The following TTC28 variants were observed in gnomAD, a reference collection of about 807,000 sequenced individuals.
TTC28 encodes tetratricopeptide repeat protein 28.
Under a neutral mutation model 198.0 loss-of-function variants are expected in TTC28, and 61 were observed. The ratio of observed to expected loss-of-function variants is 0.31; its 90% CI spans 0.25 to 0.38. The LOEUF (loss-of-function observed/expected upper bound fraction) is 0.38, where lower values mean the gene tolerates loss of function less well. Among genes scored for constraint, TTC28 ranks in the 10% least tolerant of loss-of-function variants. The pLI is 1.00. For synonymous variants in TTC28, 1,171 were observed against 1,297.8 expected, an observed-to-expected ratio of 0.90 and a Z score of 2.10; for missense variants, 2,678 against 3,164.0, an observed-to-expected ratio of 0.85 and a Z score of 3.69.
intron 12 of TTC28, among the ~76,000 whole-genome samples, chr22:28,046,609 C>T (rs1939870617): frequency 6.6e-6 from 1 of 152,196 alleles, no homozygotes; most frequent in African/African-American, 2.4e-5. Flanking sequence ...CCCCTCTCTC[C>T]TCCCACAAAG....
intron 2 of TTC28, among the ~76,000 whole-genome samples, chr22:28,362,519 C>G (rs948055866): frequency 6.6e-6 from 1 of 152,026 alleles, no homozygotes; most frequent in Admixed American, 6.6e-5. Context: ...AAAAGATAAC[C>G]AAAAATGTGG....
chr22:28,296,315 T>G lies in TTC28; in HGVS notation c.816A>C (p.Gly272=). 1 of 1,533,820 alleles carries G rather than the reference T, an allele frequency of 6.5e-7. No individual in the cohort carries two copies. The highest frequency in any genetic ancestry group is 8.8e-7 in the Non-Finnish European group (1 of 1,140,968). ...CCAGATTCCCATGAGCTCGGCATTC[T>G]CCTGTCTGGTCACCTGGATTGAATT... ...DVAKTLGDQT[G]ECRAHGNLGS... is the part of the protein sequence containing the mutation. The change falls in exon 5 of 23, where the codon GGA becomes GGC. Residue 272 remains glycine, a synonymous_variant. Transcript: ENST00000397906.
At chr22:28,364,391 T>C (rs59725438) in intron 2 of TTC28, among the ~76,000 whole-genome samples, 1 of 152,340 alleles carries the variant, frequency 6.6e-6, no homozygotes, top group African/African-American at 2.4e-5. Flanking sequence ...CTTTTGTAAA[T>C]TGCCCAGTCT....
At chr22:28,453,646 T>TA (rs2047816607) in intron 2 of TTC28, among the ~76,000 whole-genome samples, 1 of 152,294 alleles carries the variant, frequency 6.6e-6, no homozygotes, top group Admixed American at 6.5e-5. Flanking sequence ...TCCAGTCCAC[T>TA]AACAAGTCCT....
intron 2 of TTC28, among the ~76,000 whole-genome samples, chr22:28,585,160 C>T (rs1456956014): frequency 1.3e-5 from 2 of 152,092 alleles, no homozygotes; most frequent in African/African-American, 2.4e-5. Context: ...TTTCAATGGA[C>T]CTGGGGCTGG....
Position 28,526,688 on chromosome 22 carries a change from T to A in TTC28, c.381+102864A>T, listed in dbSNP as rs146209084. Among the ~76,000 whole-genome samples the A allele has an allele frequency of 5.4e-3, 829 of 152,300 alleles. 5 individuals carry two copies. The highest frequency in any genetic ancestry group is 0.019 in the African/African-American group (800 of 41,572). On this transcript the variant is annotated intron_variant, in intron 2 of 22. Coordinates refer to ENST00000397906, the MANE Select transcript of TTC28 (RefSeq NM_001145418.2). ...TGAATATGATATTGAGCTTTCTTCA[T>A]AGAGGATGCTGAAGGATCACTACAG...
chr22:28,380,478 A>G (rs1264433646), intron 2 of TTC28, among the ~76,000 whole-genome samples: 3 of 152,224 alleles, frequency 2.0e-5, no homozygotes, highest in African/African-American at 4.8e-5. Flanking sequence ...TGTATAAAAC[A>G]TATCAGAGGA....
At chr22:28,073,955 T>C (rs771086904) in intron 12 of TTC28, among the ~76,000 whole-genome samples, 12 of 152,200 alleles carry the variant, frequency 7.9e-5, no homozygotes, top group African/African-American at 1.2e-4. Flanking sequence ...CATGGCATTA[T>C]TGGAGGAAAA....
intron 2 of TTC28, among the ~76,000 whole-genome samples, chr22:28,311,512 A>G (rs1461058798): frequency 6.6e-6 from 1 of 152,172 alleles, no homozygotes; most frequent in African/African-American, 2.4e-5. Flanking sequence ...TGAAAACTTT[A>G]TATTTTTAAT....
intron 2 of TTC28, among the ~76,000 whole-genome samples, chr22:28,606,130 C>T (rs1001761194): frequency 4.0e-5 from 6 of 150,500 alleles, no homozygotes; most frequent in Non-Finnish European, 8.8e-5. Context: ...GTTGCCCAGG[C>T]TGGAGTGCAA....
At chr22:28,056,258 T>C (rs1463723008) in intron 12 of TTC28, 1 of 152,212 alleles carries the variant, frequency 6.6e-6, no homozygotes, top group Non-Finnish European at 1.5e-5. Context: ...ACCAGCTCTA[T>C]TTCTGACCTG....
intron 1 of TTC28, among the ~76,000 whole-genome samples, chr22:28,634,610 G>C (rs2051236034): frequency 6.8e-6 from 1 of 148,050 alleles, no homozygotes; most frequent in Admixed American, 6.7e-5. Context: ...TTTTGAGATG[G>C]AGTCTCACTC....
At chr22:28,484,595 C>T (rs1303257960) in intron 2 of TTC28, among the ~76,000 whole-genome samples, 1 of 152,112 alleles carries the variant, frequency 6.6e-6, no homozygotes, top group African/African-American at 2.4e-5. Flanking sequence ...CGTAAGTACG[C>T]CTCTATAATT....
intron 5 of TTC28, among the ~76,000 whole-genome samples, chr22:28,214,291 T>C (rs1055345838): frequency 3.3e-5 from 5 of 152,086 alleles, no homozygotes; most frequent in Non-Finnish European, 7.4e-5. Context: ...GGGATCTAAT[T>C]AAACCAAAGA....
At chr22:28,618,135 C>A (rs149918427) in intron 2 of TTC28, among the ~76,000 whole-genome samples, 4 of 151,752 alleles carry the variant, frequency 2.6e-5, no homozygotes, top group Non-Finnish European at 5.9e-5. Flanking sequence ...ATTAGCCAGG[C>A]GTGGTGGTGG....
chr22:28,629,330 A>G, intron 2 of TTC28: 2 of 521,050 alleles, frequency 3.8e-6, no homozygotes, highest in Non-Finnish European at 6.6e-6. Context: ...AATCTCACAC[A>G]TACAGGAAAA....
intron 12 of TTC28, among the ~76,000 whole-genome samples, chr22:28,090,927 G>C (rs570949205): frequency 6.6e-4 from 100 of 152,202 alleles, no homozygotes; most frequent in African/African-American, 2.3e-3. Flanking sequence ...TTACTCCAAA[G>C]CAACAGGAAA....
chr22:28,125,743 G>T (rs1447800855), intron 6 of TTC28, among the ~76,000 whole-genome samples: 2 of 152,050 alleles, frequency 1.3e-5, no homozygotes, highest in African/African-American at 4.8e-5. Flanking sequence ...GCTGAACAGT[G>T]ATTTTTTAAA....
intron 2 of TTC28, among the ~76,000 whole-genome samples, chr22:28,581,932 T>C (rs1443876590): frequency 6.6e-6 from 1 of 152,232 alleles, no homozygotes; most frequent in Non-Finnish European, 1.5e-5. Flanking sequence ...TATAGACTTT[T>C]GAAACAGTGT....
Sources: gnomAD v4.1 joint callset for allele counts (sites outside exome capture counted in the v4.1 genomes callset) on GRCh38, gnomAD v4.1.1 for gene constraint, MANE v1.5 for transcripts, NCBI Gene and HGNC (gene_info 2026-07-23, HGNC 2026-07-21) for gene names.